The following DTX1 variants were observed in gnomAD, a reference collection of about 807,000 sequenced individuals.
DTX1 encodes deltex E3 ubiquitin ligase 1, also known as E3 ubiquitin-protein ligase DTX1.
Under a neutral mutation model 57.8 loss-of-function variants are expected in DTX1, and 26 were observed. That is an observed-to-expected ratio of 0.45 (90% CI 0.33 to 0.62). DTX1 has a LOEUF of 0.62. DTX1 is among the 20% of genes least tolerant of loss of function. The pLI, the probability that DTX1 is intolerant of heterozygous loss-of-function variation, is 0.02. For synonymous variants in DTX1, 398 were observed against 394.1 expected (o/e 1.01, Z -0.12); for missense variants, 704 against 895.3 (o/e 0.79, Z 2.73).
intron 2 of DTX1, among the ~76,000 whole-genome samples, chr12:113,061,698 CTT>C (rs34191594): frequency 4.6e-5 from 7 of 150,922 alleles, no homozygotes; most frequent in African/African-American, 1.7e-4. Flanking sequence ...GATCTTAAAT[CTT>C]TTTTTTTTCT....
intron 2 of DTX1, among the ~76,000 whole-genome samples, chr12:113,060,069 AC>A (rs1434729365): frequency 6.6e-6 from 1 of 152,102 alleles, no homozygotes; most frequent in Non-Finnish European, 1.5e-5. Context: ...ATTGCTAGGT[AC>A]CCACAGAGTG....
At position 113,078,051 on chromosome 12, in the gene DTX1, G is replaced by A. The variant is rs1433417872; in HGVS notation, c.887G>A (p.Arg296Gln). 26 of 1,361,778 alleles carry A rather than the reference G, an allele frequency of 1.9e-5. No homozygotes were observed. The highest frequency in any genetic ancestry group is 2.2e-5 in the Non-Finnish European group (23 of 1,055,148). 84.4% of individuals were successfully genotyped at this position (1,361,778 alleles called of 1,614,324 possible). The change falls in exon 3 of 10, where the codon CGG (arginine) becomes CAG (glutamine). Residue 296 changes from arginine (R) to glutamine (Q), a missense_variant. Around this residue, in one of 3 missense-constraint regions of DTX1, gnomAD observed 299 missense variants for 311.2 expected, o/e 0.96. Transcript: ENST00000548759. ...ACCCCGGGGCAGAACAACCTCAACC[G>A]GCCCGGGCCCCAGCGCACCACCAGC... Reference protein sequence around the residue: ...ARTPGQNNLNRPGPQRTTSVS... With the variant: ...ARTPGQNNLNQPGPQRTTSVS...
intron 2 of DTX1, among the ~76,000 whole-genome samples, chr12:113,060,054 G>A (rs1332993960): frequency 4.6e-5 from 7 of 152,116 alleles, no homozygotes; most frequent in South Asian, 2.1e-4. Flanking sequence ...CCAATAGTCC[G>A]GAACATTGCT....
intron 3 of DTX1, among the ~76,000 whole-genome samples, chr12:113,081,369 T>C (rs2044816103): frequency 6.6e-6 from 1 of 152,110 alleles, no homozygotes; most frequent in South Asian, 2.1e-4. Flanking sequence ...AAGCTACTGT[T>C]CTAGAGGAGG....
At chr12:113,062,702 A>G (rs1390455592) in intron 2 of DTX1, among the ~76,000 whole-genome samples, 1 of 152,226 alleles carries the variant, frequency 6.6e-6, no homozygotes, top group Non-Finnish European at 1.5e-5. Flanking sequence ...CACAATGCCG[A>G]CACACACATG....
Position 113,065,250 on chromosome 12 carries a change from C to T in DTX1, c.259+6799C>T, listed in dbSNP as rs140061240. On this transcript the variant is annotated intron_variant, in intron 2 of 9. Coordinates refer to ENST00000548759, the MANE Select transcript of DTX1 (RefSeq NM_004416.3). Reference sequence around the variant, plus strand: ...CTACAGTCTGTCTGGGTTCCCTTCACCCAGCCAGCGGGTGTCACCCCATTT... The same window carrying T: ...CTACAGTCTGTCTGGGTTCCCTTCATCCAGCCAGCGGGTGTCACCCCATTT... 6.8e-4 allele frequency among the ~76,000 whole-genome samples: 103 copies of T among 152,340 alleles called. No individual in the cohort carries two copies. In the East Asian group the frequency reaches 0.019, roughly 27 times the overall value.
At chr12:113,057,307 G>C (rs1190010965) in intron 1 of DTX1, 142 bp from the exon 2 acceptor site, 3 of 152,326 alleles carry the variant, frequency 2.0e-5, no homozygotes, top group Admixed American at 6.5e-5. Context: ...CCAAGGGAAA[G>C]CGGGCGGGGC....
Position 113,058,352 on chromosome 12 carries a change from G to T in DTX1, c.160G>T (p.Glu54Ter). The T allele has an allele frequency of 6.2e-7, 1 of 1,613,108 alleles. No individual in the cohort carries two copies. Residue 54 changes from glutamate to a stop codon, truncating the protein, a stop_gained, in exon 2 of 10, where the codon GAG becomes TAG. Coordinates refer to ENST00000548759, the MANE Select transcript of DTX1 (RefSeq NM_004416.3). LOFTEE classifies it high-confidence loss of function. ...CCACCACATTGAGAACGTGCTGAAG[G>T]AGGACGCTCGCGGTTCCGTGGTCCT... ...VCHHIENVLK[E>*]DARGSVVLGQ...
At position 113,077,653 on chromosome 12, in the gene DTX1, G is replaced by GCGCCGGCGCCGC; in HGVS notation, c.494_505dup (p.Arg165_Arg168dup). ...GCATGTCGCAGATGAACCGCCAGAC[G>GCGCCGGCGCCGC]CGCCGGCGCCGCCGCCTGCGCCGCC... On this transcript the variant is annotated inframe_insertion, in exon 3 of 10. Coordinates refer to ENST00000548759, the MANE Select transcript of DTX1 (RefSeq NM_004416.3). The surrounding 1 kb of genome is among the most constrained non-coding windows in gnomAD (Gnocchi z 7.8). 6.3e-7 allele frequency: 1 copy of GCGCCGGCGCCGC among 1,589,252 alleles called. No homozygotes were observed. Among genetic ancestry groups the GCGCCGGCGCCGC allele is most frequent in the Non-Finnish European group, 8.5e-7 (1 of 1,170,788 alleles).
chr12:113,063,851 G>A (rs756036012), intron 2 of DTX1, among the ~76,000 whole-genome samples: 12 of 152,282 alleles, frequency 7.9e-5, no homozygotes, highest in South Asian at 2.1e-4. Context: ...TCCCATCACC[G>A]GGGAAAACAC....
At chr12:113,094,121 TGGGGGA>T in intron 6 of DTX1, 22 bp downstream of exon 6, 7 of 443,348 alleles carry the variant, frequency 1.6e-5, no homozygotes, top group East Asian at 5.0e-5. Context: ...ATGGGGGGGC[TGGGGGA>T]GGGCCCTGGC....
intron 1 of DTX1, among the ~76,000 whole-genome samples, chr12:113,057,185 AG>A (rs1463703682): frequency 6.6e-6 from 1 of 151,720 alleles, no homozygotes. Context: ...TCCCCCCGGC[AG>A]GGCGAGGGCC....
intron 2 of DTX1, among the ~76,000 whole-genome samples, chr12:113,066,803 G>C (rs1412221065): frequency 6.6e-6 from 1 of 152,134 alleles, no homozygotes; most frequent in East Asian, 1.9e-4. Context: ...GTGAGGGGTG[G>C]AGTGATGATG....
chr12:113,058,144 A>G lies in DTX1; in HGVS notation c.-49A>G. The G allele has an allele frequency of 1.3e-6, 2 of 1,531,682 alleles. No individual in the cohort carries two copies. Among genetic ancestry groups the G allele is most frequent in the Non-Finnish European group, 1.8e-6 (2 of 1,138,764 alleles). The allele number at this position is 1,531,682 out of a possible 1,614,324, so 94.9% of individuals were successfully genotyped here. A position where few individuals can be genotyped will look rare whatever the true frequency, so the allele number is the denominator to read the frequency against. ...GCCGCCTGCTGCCAGGCCCAGGAGG[A>G]GCTGGGCCTGCAATAGTGGGGGACC... On this transcript the variant is annotated 5_prime_UTR_variant, in exon 2 of 10. Transcript: ENST00000548759.
In DTX1 at chr12:113,078,033, G is replaced by A. The variant is rs1359653818; in HGVS notation, c.869G>A (p.Gly290Glu). Reference sequence around the variant, plus strand: ...GCCCCCGGCGGAGCGCGCACCCCGGGGCAGAACAACCTCAACCGGCCCGGG... The same window carrying A: ...GCCCCCGGCGGAGCGCGCACCCCGGAGCAGAACAACCTCAACCGGCCCGGG... The part of the protein sequence containing the change: ...PGAPGGARTP[G>E]QNNLNRPGPQ... Residue 290 changes from glycine (G) to glutamate (E), a missense_variant, in exon 3 of 10, where the codon GGG (glycine) becomes GAG (glutamate). Physicochemically the swap from Gly to Glu is moderately conservative, Grantham distance 98 (BLOSUM62 -2). Around this residue, in one of 3 missense-constraint regions of DTX1, gnomAD observed 299 missense variants for 311.2 expected, o/e 0.96. Coordinates refer to ENST00000548759, the MANE Select transcript of DTX1 (RefSeq NM_004416.3). The A allele has an allele frequency of 3.1e-6, 4 of 1,307,426 alleles. No individual in the cohort carries two copies. Among genetic ancestry groups the A allele is most frequent in the Non-Finnish European group, 3.9e-6 (4 of 1,025,668 alleles). The allele number at this position is 1,307,426 out of a possible 1,614,324, so 81.0% of individuals were successfully genotyped here. A position where few individuals can be genotyped will look rare whatever the true frequency, so the allele number is the denominator to read the frequency against.
intron 2 of DTX1, 42 bp downstream of exon 2, chr12:113,058,493 A>G: frequency 6.4e-7 from 1 of 1,563,994 alleles, no homozygotes; most frequent in Non-Finnish European, 8.6e-7. Flanking sequence ...CCGCCGAGCC[A>G]TCACTACCTT....
At chr12:113,064,081 G>A (rs557901482) in intron 2 of DTX1, among the ~76,000 whole-genome samples, 59 of 152,332 alleles carry the variant, frequency 3.9e-4, no homozygotes, top group Non-Finnish European at 6.8e-4. Flanking sequence ...TCAGGGTCTA[G>A]CCCAAGGCAG....
At chr12:113,095,460 G>A (rs1344741443) in intron 9 of DTX1, 46 bp downstream of exon 9, 2 of 1,611,156 alleles carry the variant, frequency 1.2e-6, no homozygotes, top group Admixed American at 1.7e-5. Flanking sequence ...ACAGGCAGGG[G>A]CTCCAGCAAC....
intron 2 of DTX1, among the ~76,000 whole-genome samples, chr12:113,063,754 CT>C (rs1228955961): frequency 1.3e-5 from 2 of 152,332 alleles, no homozygotes; most frequent in East Asian, 3.9e-4. Context: ...TCACTCAGCC[CT>C]GGTCCCTGCC....
Sources: gnomAD v4.1 joint callset for allele counts (sites outside exome capture counted in the v4.1 genomes callset) on GRCh38, gnomAD v4.1.1 for gene constraint, gnomAD v4.1.1 regional missense constraint, Gnocchi (gnomAD v3.1) non-coding constraint, MANE v1.5 for transcripts, NCBI Gene and HGNC (gene_info 2026-07-23, HGNC 2026-07-21) for gene names.